The following ZNF469 variants were observed in gnomAD, a reference collection of about 807,000 sequenced individuals.
ZNF469 encodes zinc finger protein 469.
Under a neutral mutation model 1.0 loss-of-function variants are expected in ZNF469, and 1 was observed. The observed-to-expected ratio is 1.00, with a 90% CI of 0.35 to 4.73. ZNF469 has a LOEUF of 4.73. ZNF469 is among the 30% of genes most tolerant of loss of function. ZNF469 has a pLI of 0.16. For missense variants in ZNF469, 6,100 were observed against 5,356.3 expected (o/e 1.14, Z -4.33); for synonymous variants, 2,703 against 2,363.4 (o/e 1.14, Z -4.17).
intron 1 of ZNF469, among the ~76,000 whole-genome samples, chr16:88,411,018 A>G (rs1905145626): frequency 6.6e-6 from 1 of 151,960 alleles, no homozygotes; most frequent in African/African-American, 2.4e-5. Flanking sequence ...CCTTCTCTTC[A>G]TGGGGCCCTC....
At chr16:88,358,965 G>A in the ZNF469 span, among the ~76,000 whole-genome samples, 1,251 of 152,296 alleles carry the variant, frequency 8.2e-3, 34 homozygotes, top group East Asian at 0.025. Context: ...CTTGCAGGCT[G>A]TGGGCTTCCT....
chr16:88,105,431 G>C, the ZNF469 span, among the ~76,000 whole-genome samples: 36 of 151,644 alleles, frequency 2.4e-4, no homozygotes, highest in African/African-American at 7.8e-4. Context: ...CAGTCTCCCA[G>C]GTAGCTGGGA....
chr16:88,280,062 G>A, the ZNF469 span, among the ~76,000 whole-genome samples: 6 of 151,222 alleles, frequency 4.0e-5, no homozygotes, highest in Non-Finnish European at 5.9e-5. Context: ...GGTTAGTGCT[G>A]CATCACGCCG....
the ZNF469 span, among the ~76,000 whole-genome samples, chr16:88,242,765 G>A: frequency 2.0e-5 from 3 of 152,236 alleles, no homozygotes; most frequent in Non-Finnish European, 2.9e-5. Context: ...AGGCATCTCC[G>A]GCACATGGGG....
the ZNF469 span, among the ~76,000 whole-genome samples, chr16:88,246,634 A>G: frequency 6.6e-6 from 1 of 152,210 alleles, no homozygotes; most frequent in African/African-American, 2.4e-5. Flanking sequence ...AGGAATTTAC[A>G]TTTTCAACAA....
the ZNF469 span, among the ~76,000 whole-genome samples, chr16:88,200,496 T>C: frequency 1.3e-5 from 2 of 152,192 alleles, no homozygotes; most frequent in African/African-American, 2.4e-5. Context: ...GCCCCTACGG[T>C]CTCTCCGCTC....
chr16:88,429,631 A>G lies in ZNF469; in HGVS notation c.2161A>G (p.Ser721Gly). ...PYPTHHFSLS[S>G]ASLDQLDVLL... ...CCCCACACACCACTTCTCCCTCAGC[A>G]GCGCCAGCCTGGACCAGCTGGACGT... Residue 721 changes from serine (S) to glycine (G), a missense_variant, in exon 3 of 3, where the codon AGC becomes GGC. Coordinates refer to ENST00000565624, the MANE Select transcript of ZNF469 (RefSeq NM_001367624.2). The G allele has an allele frequency of 6.5e-7, 1 of 1,544,920 alleles. No homozygotes were observed. Among genetic ancestry groups the G allele is most frequent in the Non-Finnish European group, 8.7e-7 (1 of 1,143,334 alleles).
the ZNF469 span, among the ~76,000 whole-genome samples, chr16:88,331,493 ATTG>A: frequency 2.0e-5 from 3 of 149,306 alleles, no homozygotes; most frequent in Non-Finnish European, 4.4e-5. Flanking sequence ...CATCATCACT[ATTG>A]TTATCACCAC....
intron 1 of ZNF469, among the ~76,000 whole-genome samples, chr16:88,411,123 G>C (rs982002021): frequency 6.6e-6 from 1 of 152,222 alleles, no homozygotes; most frequent in African/African-American, 2.4e-5. Context: ...GTCTAGGTAA[G>C]GTCACATTCG....
the ZNF469 span, among the ~76,000 whole-genome samples, chr16:88,309,452 G>A: frequency 9.3e-5 from 14 of 151,044 alleles, no homozygotes; most frequent in Admixed American, 5.3e-4. Flanking sequence ...GACACCTGAC[G>A]CGGGGAGTAC....
chr16:88,120,121 G>A, the ZNF469 span, among the ~76,000 whole-genome samples: 1 of 152,214 alleles, frequency 6.6e-6, no homozygotes, highest in Non-Finnish European at 1.5e-5. Flanking sequence ...GTGTCCCGTG[G>A]AGGGGGAGGC....
intron 1 of ZNF469, among the ~76,000 whole-genome samples, chr16:88,398,540 T>TGAGCCACAGATGAAGAGAATGCGC (rs367641029): frequency 7.0e-6 from 1 of 143,056 alleles, no homozygotes; most frequent in Non-Finnish European, 1.5e-5. Flanking sequence ...GAGGGGTGTG[T>TGAGCCACAGATGAAGAGAATGCGC]GAGCCACAGA....
At chr16:88,300,275 G>T in the ZNF469 span, among the ~76,000 whole-genome samples, 1 of 152,030 alleles carries the variant, frequency 6.6e-6, no homozygotes, top group Non-Finnish European at 1.5e-5. Flanking sequence ...GGGTGGTGAG[G>T]GTGGGAGGTG....
At chr16:88,396,500 A>C (rs575635357) in intron 1 of ZNF469, among the ~76,000 whole-genome samples, 96 of 89,734 alleles carry the variant, frequency 1.1e-3, no homozygotes, top group East Asian at 1.8e-3. Flanking sequence ...GGAGACCCTC[A>C]TGAAGGGAGG....
In ZNF469 at chr16:88,433,144, A is replaced by G; in HGVS notation, c.5674A>G (p.Arg1892Gly). ...TGTATCCAACACCCACCCTAGCAGG[A>G]GGTCCCAGGACCCAGCTTTGAGCCC... ...ACVSNTHPSR[R>G]SQDPALSPPI... Residue 1892 changes from arginine (R) to glycine (G), a missense_variant, in exon 3 of 3, where the codon AGG becomes GGG. Transcript: ENST00000565624. The G allele has an allele frequency of 1.3e-6, 2 of 1,550,356 alleles. No homozygotes were observed. The highest frequency in any genetic ancestry group is 1.7e-6 in the Non-Finnish European group (2 of 1,146,952).
intron 1 of ZNF469, among the ~76,000 whole-genome samples, chr16:88,395,582 C>T (rs1904636686): frequency 6.6e-6 from 1 of 152,066 alleles, no homozygotes; most frequent in Non-Finnish European, 1.5e-5. Context: ...ATGCTGTGAC[C>T]TGCCCAGGTT....
chr16:88,198,820 G>C, the ZNF469 span, among the ~76,000 whole-genome samples: 1 of 152,236 alleles, frequency 6.6e-6, no homozygotes, highest in Admixed American at 6.5e-5. Flanking sequence ...TGGCTCTGCT[G>C]GTCACGCCGG....
At chr16:88,359,793 C>G in the ZNF469 span, among the ~76,000 whole-genome samples, 2,999 of 152,222 alleles carry the variant, frequency 0.02, 105 homozygotes, top group African/African-American at 0.068. Flanking sequence ...CTAGAAAGCT[C>G]GAAAGAATTC....
chr16:88,143,103 C>T, the ZNF469 span, among the ~76,000 whole-genome samples: 8 of 152,188 alleles, frequency 5.3e-5, no homozygotes, highest in South Asian at 8.3e-4. Context: ...CCGGTGAGCA[C>T]TCACCGAATC....
Sources: allele counts gnomAD v4.1 joint callset (sites outside exome capture counted in the v4.1 genomes callset), GRCh38; gene constraint gnomAD v4.1.1; transcripts MANE v1.5; gene names NCBI Gene and HGNC (gene_info 2026-07-23, HGNC 2026-07-21).